ROPN1B: variants seen among roughly 807,000 people sequenced by gnomAD.
The protein encoded by ROPN1B is ropporin-1B.
Under a neutral mutation model 23.7 loss-of-function variants are expected in ROPN1B, and 13 were observed. That is an observed-to-expected ratio of 0.55 (90% CI 0.36 to 0.87). ROPN1B has a LOEUF of 0.87. Ranked by LOEUF, ROPN1B falls within the 40% of genes least tolerant of loss-of-function variation. ROPN1B has a pLI of 0.01. For missense variants in ROPN1B, 183 were observed against 249.2 expected (o/e 0.73, Z 1.79); for synonymous variants, 67 against 100.4 (o/e 0.67, Z 1.99).
chr3:125,982,549 A>C, intron 6 of ROPN1B, 104 bp downstream of exon 6: 1 of 916,510 alleles, frequency 1.1e-6, no homozygotes. Context: ...TGGGAACAGA[A>C]AAGTGAGGAC....
chr3:125,981,285 C>T (rs1245130470), intron 5 of ROPN1B, among the ~76,000 whole-genome samples: 1 of 152,174 alleles, frequency 6.6e-6, no homozygotes, highest in Non-Finnish European at 1.5e-5. Context: ...TCTAGGCAAT[C>T]ATTCTGTTCT....
At chr3:125,973,672 T>A (rs1008342821) in intron 3 of ROPN1B, 25 of 153,594 alleles carry the variant, frequency 1.6e-4, no homozygotes, top group African/African-American at 5.5e-4. Context: ...GTGCTATAAT[T>A]TTTTTAGACA....
intron 5 of ROPN1B, among the ~76,000 whole-genome samples, chr3:125,978,204 T>C (rs1358848020): frequency 6.6e-6 from 1 of 152,156 alleles, no homozygotes; most frequent in Admixed American, 6.5e-5. Context: ...GAAAGGAAAG[T>C]AAGCAGCAGA....
At chr3:125,977,958 C>A (rs939626233) in intron 5 of ROPN1B, 3 of 152,276 alleles carry the variant, frequency 2.0e-5, no homozygotes, top group African/African-American at 7.2e-5. Context: ...TAGTCTGAAT[C>A]ATTCAGCATA....
intron 3 of ROPN1B, chr3:125,973,069 C>T (rs559100459): frequency 3.4e-5 from 12 of 355,176 alleles, no homozygotes; most frequent in Admixed American, 7.6e-5. Context: ...CTAGACCTCA[C>T]GGACCATTTT....
chr3:125,970,306 G>A lies in ROPN1B; in HGVS notation c.-58-811G>A, dbSNP rs4456817. On this transcript the variant is annotated intron_variant, in intron 1 of 6. Transcript: ENST00000514116. ...TCCCAAACCCACCACCTCCAATTCC[G>A]AACCCAAACAGGGATGTGCAGTTGT... Among the ~76,000 whole-genome samples the A allele has an allele frequency of 5.6e-3, 856 of 152,184 alleles. 11 individuals carry two copies. Among genetic ancestry groups the A allele is most frequent in the African/African-American group, 0.02 (818 of 41,530 alleles).
At chr3:125,977,954 G>A (rs1441500509) in intron 5 of ROPN1B, 2 of 152,278 alleles carry the variant, frequency 1.3e-5, no homozygotes, top group Non-Finnish European at 2.9e-5. Context: ...AAGGTAGTCT[G>A]AATCATTCAG....
chr3:125,981,255 C>A (rs1938603015), intron 5 of ROPN1B, among the ~76,000 whole-genome samples: 1 of 152,180 alleles, frequency 6.6e-6, no homozygotes, highest in Admixed American at 6.5e-5. Context: ...GTAACACATA[C>A]CACAGTTAGA....
In ROPN1B at chr3:125,975,678, C is replaced by T; in HGVS notation, c.232C>T (p.Gln78Ter). The change falls in exon 4 of 7, where the codon CAG becomes TAG. Residue 78 changes from glutamine (Q) to a stop codon, truncating the protein, a stop_gained and splice_region_variant. Coordinates refer to ENST00000514116, the MANE Select transcript of ROPN1B (RefSeq NM_001308313.2). LOFTEE classifies it high-confidence loss of function. ...TPELLKILHS[Q>*]VAGRLIIRAE... ...TGAGCTGTTAAAGATCCTGCATTCT[C>T]AGGTAAGGGCCCTGCTGCAGCATTG... 6.2e-7 allele frequency: 1 copy of T among 1,611,240 alleles called. No individual in the cohort carries two copies. The highest frequency in any genetic ancestry group is 1.3e-5 in the African/African-American group (1 of 74,954).
intron 1 of ROPN1B, among the ~76,000 whole-genome samples, chr3:125,970,500 C>T (rs1938157935): frequency 6.6e-6 from 1 of 152,206 alleles, no homozygotes; most frequent in Non-Finnish European, 1.5e-5. Context: ...ATTTTAAGAC[C>T]TACATTCTTC....
At chr3:125,971,735 T>A (rs908374642) in intron 2 of ROPN1B, among the ~76,000 whole-genome samples, 4 of 152,234 alleles carry the variant, frequency 2.6e-5, no homozygotes, top group Non-Finnish European at 5.9e-5. Flanking sequence ...ATATTTATAC[T>A]GAAAAATTCT....
chr3:125,981,414 G>C (rs909023069), intron 5 of ROPN1B, among the ~76,000 whole-genome samples: 14 of 152,162 alleles, frequency 9.2e-5, no homozygotes, highest in African/African-American at 2.2e-4. Context: ...CACCACTCAG[G>C]ACTGATCTTT....
At chr3:125,980,001 C>T (rs1013937487) in intron 5 of ROPN1B, among the ~76,000 whole-genome samples, 6 of 152,202 alleles carry the variant, frequency 3.9e-5, no homozygotes, top group South Asian at 2.1e-4. Context: ...GAAGAGATCA[C>T]GTATGTAGAA....
chr3:125,975,758 T>G, intron 4 of ROPN1B, 78 bp downstream of exon 4: 1 of 1,344,266 alleles, frequency 7.4e-7, no homozygotes, highest in Non-Finnish European at 1.0e-6. Context: ...AAGCCCTCTG[T>G]TCTCCTGCCA....
intron 3 of ROPN1B, chr3:125,972,835 G>A (rs533803683): frequency 2.5e-6 from 1 of 396,254 alleles, no homozygotes; most frequent in African/African-American, 2.1e-5. Context: ...AGAGTGATGG[G>A]GTCCTCAGGC....
At chr3:125,974,120 G>A (rs1938313511) in intron 3 of ROPN1B, among the ~76,000 whole-genome samples, 1 of 152,206 alleles carries the variant, frequency 6.6e-6, no homozygotes, top group Admixed American at 6.5e-5. Flanking sequence ...TGTTGCTGCT[G>A]AGTGTTACTC....
At chr3:125,979,623 C>A (rs890014083) in intron 5 of ROPN1B, among the ~76,000 whole-genome samples, 21 of 152,306 alleles carry the variant, frequency 1.4e-4, no homozygotes, top group Middle Eastern at 6.8e-3. Flanking sequence ...ATTACCCAGT[C>A]TAAGGTATTT....
At chr3:125,979,487 A>G (rs1218086225) in intron 5 of ROPN1B, among the ~76,000 whole-genome samples, 1 of 152,154 alleles carries the variant, frequency 6.6e-6, no homozygotes, top group Non-Finnish European at 1.5e-5. Context: ...CCCTCCACCA[A>G]GTGAGGACAC....
chr3:125,976,412 T>G (rs571558417), intron 4 of ROPN1B, among the ~76,000 whole-genome samples: 13 of 152,334 alleles, frequency 8.5e-5, no homozygotes, highest in African/African-American at 2.6e-4. Flanking sequence ...TCTCTCCTTT[T>G]GTCCACCAAG....
Sources: allele counts gnomAD v4.1 joint callset (sites outside exome capture counted in the v4.1 genomes callset), GRCh38; gene constraint gnomAD v4.1.1; transcripts MANE v1.5; gene names NCBI Gene and HGNC (gene_info 2026-07-23, HGNC 2026-07-21).